SLC26A1: variants seen among roughly 807,000 people sequenced by gnomAD.
SLC26A1 encodes the protein sulfate anion transporter 1.
SLC26A1 carries 18 observed loss-of-function variants against 14.5 expected under a neutral mutation model. The observed-to-expected ratio is 1.24, with a 90% CI of 0.86 to 1.84. The LOEUF is 1.84. SLC26A1 is among the 40% of genes most tolerant of loss of function. The probability of loss-of-function intolerance (pLI) is 0.00; values close to 1 mark genes in which losing one functional copy is unlikely to be tolerated. For synonymous variants in SLC26A1, 505 were observed against 492.0 expected (o/e 1.03, Z -0.35); for missense variants, 1,049 against 1,020.0 (o/e 1.03, Z -0.39).
In SLC26A1 at chr4:989,507, C is replaced by T. The variant is rs558027930; in HGVS notation, c.1432G>A (p.Ala478Thr). The T allele has an allele frequency of 5.2e-5, 80 of 1,553,128 alleles. No individual in the cohort carries two copies. Among genetic ancestry groups the T allele is most frequent in the Admixed American group, 3.1e-4 (16 of 51,528 alleles). The change falls in exon 3 of 3, where the codon GCG becomes ACG. Residue 478 changes from alanine (A) to threonine (T), a missense_variant. Ala to Thr is a moderately conservative substitution (Grantham distance 58, BLOSUM62 0). Transcript: ENST00000398516. ...PADALVWAGT[A>T]ATCMLVSTEA... ...GTGCTGACCAGCATACAGGTGGCCG[C>T]GGTGCCTGCCCAGACCAGCGCGTCA...
chr4:986,547 C>T (rs368532000), downstream of SLC26A1, among the ~76,000 whole-genome samples: 26 of 152,308 alleles, frequency 1.7e-4, no homozygotes, highest in African/African-American at 6.0e-4. Flanking sequence ...ACAATATTTT[C>T]AGTCTGCTTG....
In SLC26A1 at chr4:988,609, C is replaced by G; in HGVS notation, c.*224G>C. 1 of 1,374,044 alleles carries G rather than the reference C, an allele frequency of 7.3e-7. No homozygotes were observed. The highest frequency in any genetic ancestry group is 9.4e-7 in the Non-Finnish European group (1 of 1,069,260). 85.1% of individuals were successfully genotyped at this position (1,374,044 alleles called of 1,614,324 possible). A position where few individuals can be genotyped will look rare whatever the true frequency, so the allele number is the denominator to read the frequency against. On this transcript the variant is annotated 3_prime_UTR_variant, in exon 3 of 3. Transcript: ENST00000398516. Reference sequence around the variant, plus strand: ...GGCCCAGCCAGCACTGTGGGCCAGCCTGTCTCGGAGGCAGAGGTTCTTGAT... The same window carrying G: ...GGCCCAGCCAGCACTGTGGGCCAGCGTGTCTCGGAGGCAGAGGTTCTTGAT...
At position 990,067 on chromosome 4, in the gene SLC26A1, G is replaced by A. The variant is rs528427910; in HGVS notation, c.872C>T (p.Pro291Leu). ...SDRYRHRLRVPLPTELLVIVV... is the reference protein window; with the variant it reads ...SDRYRHRLRVLLPTELLVIVV... ...GATGACCAGCAGCTCCGTGGGCAGC[G>A]GCACCCTCAGGCGGTGTCGGTAGCG... The change falls in exon 3 of 3, where the codon CCG becomes CTG. Residue 291 changes from proline to leucine, a missense_variant. By Grantham distance (98) the Pro-to-Leu change is moderately conservative. Coordinates refer to ENST00000398516, the MANE Select transcript of SLC26A1 (RefSeq NM_022042.4). 20 of 1,601,072 alleles carry A rather than the reference G, an allele frequency of 1.2e-5. No individual in the cohort carries two copies. The highest frequency in any genetic ancestry group is 1.1e-5 in the South Asian group (1 of 89,148).
chr4:982,116 G>A (rs141583380), intron 2 of SLC26A1, among the ~76,000 whole-genome samples: 1 of 152,308 alleles, frequency 6.6e-6, no homozygotes, highest in African/African-American at 2.4e-5. Flanking sequence ...AGCGCGCCTG[G>A]CCCAGTGCCG....
Position 991,254 on chromosome 4 carries a change from C to T in SLC26A1, c.450G>A (p.Gln150=), listed in dbSNP as rs774906780. The stretch of plus-strand genomic sequence containing the variant: ...TGTTGGCTCCGGGCTGCAGGCCGTC[C>T]TGGGAGGGGTCAAAGCCGGCCAGCT... The part of the protein sequence containing the change: ...ELQLAGFDPS[Q]DGLQPGANSS... Residue 150 remains glutamine (Q), a synonymous_variant, in exon 2 of 3, where the codon CAG becomes CAA. Coordinates refer to ENST00000398516, the MANE Select transcript of SLC26A1 (RefSeq NM_022042.4). 1.3e-5 allele frequency: 21 copies of T among 1,612,398 alleles called. No individual in the cohort carries two copies. The highest frequency in any genetic ancestry group is 4.0e-5 in the African/African-American group (3 of 74,936).
At chr4:986,942 CAA>C, downstream of SLC26A1, 6 of 660,878 alleles carry the variant, frequency 9.1e-6, no homozygotes, top group East Asian at 3.9e-5. Context: ...CGAGGCCACC[CAA>C]CCCCTCCCAC....
downstream of SLC26A1, chr4:986,811 A>G: frequency 1.6e-6 from 1 of 608,240 alleles, no homozygotes; most frequent in Non-Finnish European, 3.1e-6. Context: ...CTCACATAGC[A>G]CCAACGGGCG....
In SLC26A1 at chr4:991,626, A is replaced by G; in HGVS notation, c.78T>C (p.Gly26=). 1.3e-6 allele frequency: 2 copies of G among 1,579,484 alleles called. No individual in the cohort carries two copies. Among genetic ancestry groups the G allele is most frequent in the Non-Finnish European group, 1.7e-6 (2 of 1,168,880 alleles). ...GCCTGGCCTTCAGCATCTCACGCAG[A>G]CCCCGGGGTGCTGGGCGCTGCCGTC... The part of the protein sequence containing the change: ...PVRRQRPAPR[G]LREMLKARLW... Residue 26 remains glycine, a synonymous_variant, in exon 2 of 3, where the codon GGT becomes GGC. Coordinates refer to ENST00000398516, the MANE Select transcript of SLC26A1 (RefSeq NM_022042.4).
chr4:987,626 C>T, downstream of SLC26A1: 2 of 1,444,036 alleles, frequency 1.4e-6, no homozygotes, highest in South Asian at 2.9e-5. Flanking sequence ...ACTGCTGCTG[C>T]CGTTCCCCAT....
chr4:987,633 C>T (rs964595818), downstream of SLC26A1: 4 of 1,446,580 alleles, frequency 2.8e-6, no homozygotes, highest in Non-Finnish European at 3.6e-6. Context: ...CTGCCGTTCC[C>T]CATGAAGATG....
rs769056188 is a variant in SLC26A1, at chr4:989,075, G to A, written c.1864C>T (p.Leu622=). The A allele has an allele frequency of 1.0e-5, 16 of 1,593,546 alleles. No homozygotes were observed. Among genetic ancestry groups the A allele is most frequent in the Non-Finnish European group, 1.1e-5 (13 of 1,170,558 alleles). The change falls in exon 3 of 3, where the codon CTA becomes TTA. Residue 622 remains leucine, a synonymous_variant. Transcript: ENST00000398516. ...AGCGTGCTCACACCGGCTGCGTCTA[G>A]GAACAGCAGCGGGGCGCAGTCGATG... The part of the protein sequence containing the change: ...VVIDCAPLLF[L]DAAGVSTLQD...
In SLC26A1 at chr4:989,830, G is replaced by C; in HGVS notation, c.1109C>G (p.Ser370Cys). The change falls in exon 3 of 3, where the codon TCT (serine) becomes TGT (cysteine). Residue 370 changes from serine (S) to cysteine (C), a missense_variant. Coordinates refer to ENST00000398516, the MANE Select transcript of SLC26A1 (RefSeq NM_022042.4). Reference protein sequence around the residue: ...AEMFARSHGYSVRANQELLAV... With the variant: ...AEMFARSHGYCVRANQELLAV... Reference sequence around the variant, plus strand: ...CAGCAGCTCCTGGTTGGCACGCACAGAGTAGCCGTGACTGCGGGCGAACAT... The same window carrying C: ...CAGCAGCTCCTGGTTGGCACGCACACAGTAGCCGTGACTGCGGGCGAACAT... 6.3e-7 allele frequency: 1 copy of C among 1,580,154 alleles called. No individual in the cohort carries two copies. Among genetic ancestry groups the C allele is most frequent in the Non-Finnish European group, 8.6e-7 (1 of 1,164,030 alleles).
In SLC26A1 at chr4:989,759, C is replaced by A. The variant is rs774214260; in HGVS notation, c.1180G>T (p.Ala394Ser). The change falls in exon 3 of 3, where the codon GCC becomes TCC. Residue 394 changes from alanine (A) to serine (S), a missense_variant. Physicochemically the swap from Ala to Ser is moderately conservative, Grantham distance 99. Transcript: ENST00000398516. ...NVLPAFLHCF[A>S]TSAALAKSLV... Reference sequence around the variant, plus strand: ...CTCTTGGCCAGGGCGGCGCTGGTGGCGAAGCAGTGGAGGAAGGCGGGTAGC... The same window carrying A: ...CTCTTGGCCAGGGCGGCGCTGGTGGAGAAGCAGTGGAGGAAGGCGGGTAGC... 1 of 1,558,616 alleles carries A rather than the reference C, an allele frequency of 6.4e-7. No homozygotes were observed. The highest frequency in any genetic ancestry group is 8.7e-7 in the Non-Finnish European group (1 of 1,151,846).
At chr4:987,270 C>G (rs761826464), downstream of SLC26A1, 96 of 1,510,726 alleles carry the variant, frequency 6.4e-5, no homozygotes, top group Admixed American at 3.4e-4. Context: ...TCCGGGACCC[C>G]CTGGCCGCAC....
chr4:986,961 AT>A, downstream of SLC26A1: 1 of 417,124 alleles, frequency 2.4e-6, no homozygotes, highest in Non-Finnish European at 4.7e-6. Context: ...CCACCCGGCC[AT>A]CGCCCCCTCA....
In SLC26A1 at chr4:988,865, T is replaced by C. The variant is rs1394876781; in HGVS notation, c.2074A>G (p.Arg692Gly). The C allele has an allele frequency of 1.9e-6, 3 of 1,596,514 alleles. No homozygotes were observed. The highest frequency in any genetic ancestry group is 2.6e-6 in the Non-Finnish European group (3 of 1,171,772). ...TGGGCATCGGTGGCCTCCAGCTCCC[T>C]GTGGCGGGCTCGTGCTGTCTGCACG... Reference protein sequence around the residue: ...DAVQTARARHRELEATDAHL With the variant: ...DAVQTARARHGELEATDAHL The change falls in exon 3 of 3, where the codon AGG becomes GGG. Residue 692 changes from arginine to glycine, a missense_variant. Physicochemically the swap from Arg to Gly is moderately radical, Grantham distance 125. Transcript: ENST00000398516.
At position 991,295 on chromosome 4, in the gene SLC26A1, C is replaced by T. The variant is rs1183231016; in HGVS notation, c.409G>A (p.Val137Met). The change falls in exon 2 of 3, where the codon GTG becomes ATG. Residue 137 changes from valine (V) to methionine (M), a missense_variant. By Grantham distance (21) the Val-to-Met change is conservative. Coordinates refer to ENST00000398516, the MANE Select transcript of SLC26A1 (RefSeq NM_022042.4). Reference sequence around the variant, plus strand: ...CCGGCCAGCTGGAGCTCCCGGTCCACCACCTGCCCCACCATGAGGCAAAGC... The same window carrying T: ...CCGGCCAGCTGGAGCTCCCGGTCCATCACCTGCCCCACCATGAGGCAAAGC... ...SLLCLMVGQV[V>M]DRELQLAGFD... The T allele has an allele frequency of 2.5e-6, 4 of 1,612,776 alleles. No homozygotes were observed. The South Asian group carries it at 4.4e-5, about 18-fold the overall frequency.
rs528314965 is a variant in SLC26A1 at position 991,349 on chromosome 4, G to A, written c.355C>T (p.Arg119Trp). 22 of 1,612,898 alleles carry A rather than the reference G, an allele frequency of 1.4e-5. No individual in the cohort carries two copies. The highest frequency in any genetic ancestry group is 4.4e-5 in the South Asian group (4 of 91,088). The change falls in exon 2 of 3, where the codon CGG (arginine) becomes TGG (tryptophan). Residue 119 changes from arginine (R) to tryptophan (W), a missense_variant. Physicochemically the swap from Arg to Trp is moderately radical, Grantham distance 101. Coordinates refer to ENST00000398516, the MANE Select transcript of SLC26A1 (RefSeq NM_022042.4). ...NLIYFLMGTS[R>W]HVSVGIFSLL... ...CTGAAGATGCCCACGGAGACATGCC[G>A]TGAGGTGCCCATGAGGAAGTAGATG...
In SLC26A1 at chr4:990,235, C is replaced by T. The variant is rs369080577; in HGVS notation, c.704G>A (p.Arg235Gln). ...TSQLKHLLGV[R>Q]IPRHQGPGMV... ...GCCGGGCCCCTGGTGCCGCGGGATC[C>T]GCACGCCCAGCAGGTGTTTGAGCTG... The change falls in exon 3 of 3, where the codon CGG (arginine) becomes CAG (glutamine). Residue 235 changes from arginine (R) to glutamine (Q), a missense_variant. Coordinates refer to ENST00000398516, the MANE Select transcript of SLC26A1 (RefSeq NM_022042.4). 61 of 1,577,352 alleles carry T rather than the reference C, an allele frequency of 3.9e-5. No individual in the cohort carries two copies. Among genetic ancestry groups the T allele is most frequent in the Admixed American group, 2.4e-4 (13 of 53,240 alleles).
Sources: allele counts gnomAD v4.1 joint callset (sites outside exome capture counted in the v4.1 genomes callset), GRCh38; gene constraint gnomAD v4.1.1; transcripts MANE v1.5; gene names NCBI Gene and HGNC (gene_info 2026-07-23, HGNC 2026-07-21).